Variants in AK9 observed in about 807,000 individuals in gnomAD.
The protein encoded by AK9 is adenylate kinase 9.
In AK9, 191 loss-of-function variants were observed where a neutral mutation model predicts 239.6. The observed-to-expected ratio is 0.80, with a 90% CI of 0.71 to 0.90. AK9 has a LOEUF of 0.90. AK9 is among the 40% of genes least tolerant of loss of function. The pLI is 0.00. For synonymous variants in AK9, 689 were observed against 721.0 expected (o/e 0.96, Z 0.71); for missense variants, 1,995 against 2,214.7 (o/e 0.90, Z 1.99).
At chr6:109,504,520 G>A (rs1221769227) in intron 35 of AK9, among the ~76,000 whole-genome samples, 2 of 152,030 alleles carry the variant, frequency 1.3e-5, no homozygotes, top group African/African-American at 4.8e-5. Flanking sequence ...AAATTTAACT[G>A]GGTGTCAGTC....
intron 29 of AK9, among the ~76,000 whole-genome samples, chr6:109,522,431 T>C (rs1400374240): frequency 3.3e-5 from 5 of 152,070 alleles, no homozygotes; most frequent in Non-Finnish European, 5.9e-5. Context: ...TGGATTGACC[T>C]CATAGATCTT....
intron 17 of AK9, among the ~76,000 whole-genome samples, chr6:109,599,336 T>C (rs575346966): frequency 6.6e-6 from 1 of 152,350 alleles, no homozygotes; most frequent in East Asian, 1.9e-4. Context: ...TAGGGAATCC[T>C]TTCCCCATTT....
chr6:109,638,114 A>G (rs1242975168), intron 10 of AK9, among the ~76,000 whole-genome samples: 1 of 152,260 alleles, frequency 6.6e-6, no homozygotes, highest in African/African-American at 2.4e-5. Context: ...AGGTTCACCT[A>G]GTCATACAGC....
intron 29 of AK9, among the ~76,000 whole-genome samples, chr6:109,518,611 AC>A (rs1779502410): frequency 6.6e-6 from 1 of 151,770 alleles, no homozygotes; most frequent in African/African-American, 2.4e-5. Flanking sequence ...CTCTATTTCT[AC>A]CCTCCTACCT....
chr6:109,683,014 A>G (rs1412910175), intron 1 of AK9, among the ~76,000 whole-genome samples: 3 of 152,352 alleles, frequency 2.0e-5, no homozygotes, highest in South Asian at 2.1e-4. Flanking sequence ...ATGCTGGCAA[A>G]CTGAATGCAG....
chr6:109,580,332 C>T (rs1242796805), intron 19 of AK9, among the ~76,000 whole-genome samples: 6 of 151,792 alleles, frequency 4.0e-5, no homozygotes, highest in Admixed American at 1.3e-4. Flanking sequence ...GAAAGGTGGA[C>T]GGAAAGTTAG....
At position 109,632,955 on chromosome 6, in the gene AK9, A is replaced by G. The variant is rs997791187; in HGVS notation, c.1222T>C (p.Cys408Arg). The G allele has an allele frequency of 3.1e-6, 5 of 1,613,534 alleles. No homozygotes were observed. The highest frequency in any genetic ancestry group is 1.3e-5 in the African/African-American group (1 of 75,012). Residue 408 changes from cysteine (C) to arginine (R), a missense_variant, in exon 12 of 41, where the codon TGC becomes CGC. By Grantham distance (180) the Cys-to-Arg change is radical. Coordinates refer to ENST00000424296, the MANE Select transcript of AK9 (RefSeq NM_001145128.3). ...GPQYSGKTTL[C>R]NMLAENYKGK... ...TTGTAATTTTCTGCAAGCATATTGCAAAGTGTTGTTTTCCCTGAATATTGA... is the reference window on the plus strand; with the variant it reads ...TTGTAATTTTCTGCAAGCATATTGCGAAGTGTTGTTTTCCCTGAATATTGA...
intron 24 of AK9, 21 bp downstream of exon 24, chr6:109,563,576 G>A: frequency 6.5e-7 from 1 of 1,548,150 alleles, no homozygotes; most frequent in Non-Finnish European, 8.7e-7. Flanking sequence ...ATGAGAATGA[G>A]TAGAAATAAA....
At position 109,495,288 on chromosome 6, in the gene AK9, A is replaced by T. The variant is rs373532544; in HGVS notation, c.5418+50T>A. 1.5e-5 allele frequency: 21 copies of T among 1,371,976 alleles called. No individual in the cohort carries two copies. The African/African-American group carries it at 2.9e-4, about 19-fold the overall frequency. The allele number at this position is 1,371,976 out of a possible 1,614,324, so 85.0% of individuals were successfully genotyped here. A position where few individuals can be genotyped will look rare whatever the true frequency, so the allele number is the denominator to read the frequency against. On this transcript the variant is annotated intron_variant, in intron 39 of 40. Coordinates refer to ENST00000424296, the MANE Select transcript of AK9 (RefSeq NM_001145128.3). ...AATGAAAATTAGTGTTAAAAAGAAGAAGTCATTGTATTCTTCTAACATATA... is the reference window on the plus strand; with the variant it reads ...AATGAAAATTAGTGTTAAAAAGAAGTAGTCATTGTATTCTTCTAACATATA...
intron 20 of AK9, among the ~76,000 whole-genome samples, chr6:109,575,112 G>A (rs972248195): frequency 6.6e-6 from 1 of 152,072 alleles, no homozygotes; most frequent in Non-Finnish European, 1.5e-5. Context: ...CTCGGTTGAT[G>A]GCATTTAGGC....
chr6:109,579,529 G>A, intron 20 of AK9, 21 bp downstream of exon 20: 2 of 1,543,768 alleles, frequency 1.3e-6, no homozygotes, highest in South Asian at 1.2e-5. Context: ...CACATCATCA[G>A]TCATAGCAAT....
At chr6:109,557,902 G>A (rs764166925) in intron 24 of AK9, among the ~76,000 whole-genome samples, 2 of 152,150 alleles carry the variant, frequency 1.3e-5, no homozygotes, top group African/African-American at 2.4e-5. Context: ...GCTAACACTT[G>A]GTATGGTCAG....
intron 12 of AK9, chr6:109,632,001 G>T (rs1796131962): frequency 1.3e-5 from 3 of 233,104 alleles, no homozygotes; most frequent in African/African-American, 2.3e-5. Context: ...TAAAATTCTG[G>T]GCAGTGGTTA....
intron 32 of AK9, among the ~76,000 whole-genome samples, chr6:109,511,216 C>T (rs565105028): frequency 2.4e-4 from 36 of 152,270 alleles, no homozygotes; most frequent in African/African-American, 8.2e-4. Flanking sequence ...TCCTGTTTCA[C>T]TGAATTGTAT....
chr6:109,544,898 C>A (rs1783338265), intron 26 of AK9, among the ~76,000 whole-genome samples: 1 of 151,976 alleles, frequency 6.6e-6, no homozygotes, highest in African/African-American at 2.4e-5. Context: ...TCAGATATAC[C>A]AAATATCATA....
chr6:109,601,766 T>C (rs1176762474), intron 17 of AK9, among the ~76,000 whole-genome samples: 1 of 152,226 alleles, frequency 6.6e-6, no homozygotes, highest in Non-Finnish European at 1.5e-5. Flanking sequence ...GGTGCTCCTG[T>C]ATTGGGTGCA....
intron 33 of AK9, among the ~76,000 whole-genome samples, chr6:109,507,360 G>A (rs1195285982): frequency 1.3e-5 from 2 of 151,490 alleles, no homozygotes; most frequent in African/African-American, 4.9e-5. Context: ...AAAAAAGTGT[G>A]CTCCATGCTT....
chr6:109,570,136 T>C (rs999431599), intron 21 of AK9, among the ~76,000 whole-genome samples: 5 of 152,156 alleles, frequency 3.3e-5, no homozygotes, highest in Non-Finnish European at 7.3e-5. Flanking sequence ...TGTAGGGACA[T>C]GGATGAAGCT....
chr6:109,635,970 T>C (rs1796661199), intron 10 of AK9, among the ~76,000 whole-genome samples: 1 of 152,204 alleles, frequency 6.6e-6, no homozygotes, highest in Non-Finnish European at 1.5e-5. Context: ...TTTAAAAGCA[T>C]AATCTCATGT....
Sources: gnomAD v4.1 joint callset for allele counts (sites outside exome capture counted in the v4.1 genomes callset) on GRCh38, gnomAD v4.1.1 for gene constraint, MANE v1.5 for transcripts, NCBI Gene and HGNC (gene_info 2026-07-23, HGNC 2026-07-21) for gene names.